The following CATSPERT variants were observed in gnomAD, a reference collection of about 807,000 sequenced individuals.
CATSPERT encodes catsper channel auxiliary subunit tau.
the CATSPERT span, among the ~76,000 whole-genome samples, chr2:201,618,597 A>C: frequency 1.3e-5 from 2 of 151,728 alleles, no homozygotes; most frequent in Non-Finnish European, 2.9e-5. Flanking sequence ...ATTAGGAGAT[A>C]TACCTAATGT....
the CATSPERT span, among the ~76,000 whole-genome samples, chr2:201,585,301 T>G: frequency 6.6e-6 from 1 of 150,700 alleles, no homozygotes; most frequent in Non-Finnish European, 1.5e-5. Context: ...GTATGATGGG[T>G]GCAGCAAACC....
At chr2:201,560,394 G>A in the CATSPERT span, among the ~76,000 whole-genome samples, 1 of 151,120 alleles carries the variant, frequency 6.6e-6, no homozygotes, top group Non-Finnish European at 1.5e-5. Context: ...CTGCACTCCA[G>A]CCTGGGCAAC....
chr2:201,505,990 G>A, the CATSPERT span, among the ~76,000 whole-genome samples: 2 of 152,158 alleles, frequency 1.3e-5, no homozygotes, highest in South Asian at 2.1e-4. Context: ...AAAGCCGGCC[G>A]GGCGCAGTGG....
At chr2:201,567,195 T>G in the CATSPERT span, among the ~76,000 whole-genome samples, 1 of 152,180 alleles carries the variant, frequency 6.6e-6, no homozygotes, top group African/African-American at 2.4e-5. Flanking sequence ...CAGCAACAAA[T>G]GTATACCCAG....
At chr2:201,593,860 GC>G in the CATSPERT span, among the ~76,000 whole-genome samples, 1 of 151,408 alleles carries the variant, frequency 6.6e-6, no homozygotes, top group Non-Finnish European at 1.5e-5. Context: ...TTTATTTTGA[GC>G]CTATGTGTGT....
chr2:201,609,873 A>C, the CATSPERT span, among the ~76,000 whole-genome samples: 2 of 145,710 alleles, frequency 1.4e-5, no homozygotes, highest in Non-Finnish European at 3.0e-5. Flanking sequence ...AACCTTTAAA[A>C]AGTACAAAGA....
chr2:201,535,721 AC>A, the CATSPERT span: 1 of 1,329,820 alleles, frequency 7.5e-7, no homozygotes, highest in Non-Finnish European at 9.6e-7. Context: ...ATATACTTAG[AC>A]ACATTTCCAC....
the CATSPERT span, among the ~76,000 whole-genome samples, chr2:201,566,516 C>G: frequency 4.3e-4 from 65 of 152,118 alleles, 4 homozygotes; most frequent in East Asian, 0.012. Context: ...TCACCCATGT[C>G]CCTGCAAAGG....
At chr2:201,543,763 C>G in the CATSPERT span, among the ~76,000 whole-genome samples, 5 of 152,016 alleles carry the variant, frequency 3.3e-5, no homozygotes, top group African/African-American at 1.2e-4. Flanking sequence ...GTGGAGTCTA[C>G]AGAATTTTCT....
At chr2:201,605,016 T>C in the CATSPERT span, among the ~76,000 whole-genome samples, 1 of 151,972 alleles carries the variant, frequency 6.6e-6, no homozygotes, top group Admixed American at 6.6e-5. Flanking sequence ...GTATAGGAGA[T>C]ACTTTGAGTC....
At chr2:201,524,897 A>G in the CATSPERT span, among the ~76,000 whole-genome samples, 1 of 152,262 alleles carries the variant, frequency 6.6e-6, no homozygotes, top group Non-Finnish European at 1.5e-5. Context: ...TAAAGGGTTC[A>G]CTTCAACAAG....
chr2:201,555,727 T>C, the CATSPERT span: 1 of 152,132 alleles, frequency 6.6e-6, no homozygotes, highest in African/African-American at 2.4e-5. Flanking sequence ...ACTGCAGACA[T>C]TACTCCCTTT....
At chr2:201,492,700 T>C in the CATSPERT span, 2 of 1,535,340 alleles carry the variant, frequency 1.3e-6, no homozygotes, top group East Asian at 2.5e-5. Context: ...ATGATTGAAA[T>C]TGTTGACAAA....
chr2:201,586,958 T>TC, the CATSPERT span, among the ~76,000 whole-genome samples: 5 of 151,954 alleles, frequency 3.3e-5, no homozygotes, highest in Non-Finnish European at 5.9e-5. Context: ...CCTCCCTCCT[T>TC]CCCCCCTTCT....
chr2:201,539,120 T>C, the CATSPERT span, among the ~76,000 whole-genome samples: 1 of 152,218 alleles, frequency 6.6e-6, no homozygotes, highest in Admixed American at 6.5e-5. Flanking sequence ...GGTACTGCCA[T>C]GAACATACCT....
At chr2:201,563,487 G>A in the CATSPERT span, among the ~76,000 whole-genome samples, 310 of 127,066 alleles carry the variant, frequency 2.4e-3, 6 homozygotes, top group African/African-American at 8.8e-3. Context: ...CCTCCCTCCC[G>A]GACGGGGCGG....
At chr2:201,556,614 G>A in the CATSPERT span, among the ~76,000 whole-genome samples, 1 of 151,990 alleles carries the variant, frequency 6.6e-6, no homozygotes, top group Non-Finnish European at 1.5e-5. Context: ...ATCACCTGAG[G>A]TTAGGAGTTT....
chr2:201,561,077 G>A, the CATSPERT span, among the ~76,000 whole-genome samples: 8,763 of 152,114 alleles, frequency 0.058, 321 homozygotes, highest in African/African-American at 0.09. Context: ...CACCACGCCC[G>A]GCCAGCCTCA....
chr2:201,591,465 C>T, the CATSPERT span, among the ~76,000 whole-genome samples: 64,177 of 151,504 alleles, frequency 0.42, 14,183 homozygotes, highest in East Asian at 0.71. Context: ...CTTGGCAATG[C>T]GGGCTCTTTT....
Sources: allele counts gnomAD v4.1 joint callset (sites outside exome capture counted in the v4.1 genomes callset), GRCh38; gene constraint gnomAD v4.1.1; transcripts MANE v1.5; gene names NCBI Gene and HGNC (gene_info 2026-07-23, HGNC 2026-07-21).